Variants in AGBL4 observed in about 807,000 individuals in gnomAD.
AGBL4 encodes AGBL carboxypeptidase 4.
In AGBL4, 58 loss-of-function variants were observed where a neutral mutation model predicts 66.4. The observed-to-expected ratio is 0.87, with a 90% CI of 0.71 to 1.09. The LOEUF is 1.09. Among genes scored for constraint, AGBL4 ranks in the 50% least tolerant of loss-of-function variants. The pLI, the probability that AGBL4 is intolerant of heterozygous loss-of-function variation, is 0.00. For synonymous variants in AGBL4, 234 were observed against 222.9 expected, an observed-to-expected ratio of 1.05 and a Z score of -0.44; for missense variants, 579 against 631.0, an observed-to-expected ratio of 0.92 and a Z score of 0.88.
chr1:48,734,652 C>T (rs1485894278), intron 6 of AGBL4, among the ~76,000 whole-genome samples: 1 of 152,198 alleles, frequency 6.6e-6, no homozygotes, highest in Non-Finnish European at 1.5e-5. Flanking sequence ...GCTTATTCTG[C>T]CTGATTTGCC....
At chr1:48,600,613 T>C (rs1376189132) in intron 9 of AGBL4, among the ~76,000 whole-genome samples, 1 of 152,168 alleles carries the variant, frequency 6.6e-6, no homozygotes, top group Non-Finnish European at 1.5e-5. Flanking sequence ...TAACATCATA[T>C]AAGGAAACCA....
chr1:49,451,123 A>T (rs536663019), intron 3 of AGBL4, among the ~76,000 whole-genome samples: 1 of 151,994 alleles, frequency 6.6e-6, no homozygotes, highest in Non-Finnish European at 1.5e-5. Context: ...ACATTTCCTT[A>T]CTGTTTGCCA....
chr1:49,123,301 C>T (rs949632084), intron 4 of AGBL4, among the ~76,000 whole-genome samples: 2 of 152,136 alleles, frequency 1.3e-5, no homozygotes, highest in South Asian at 2.1e-4. Context: ...AAGGGTTATA[C>T]AGACCACAGG....
chr1:48,977,182 A>G (rs1275539576), intron 5 of AGBL4, among the ~76,000 whole-genome samples: 3 of 152,186 alleles, frequency 2.0e-5, no homozygotes, highest in African/African-American at 7.2e-5. Context: ...CCAGAACTCT[A>G]GATTTTAATT....
intron 3 of AGBL4, among the ~76,000 whole-genome samples, chr1:49,470,809 G>C (rs1402892122): frequency 2.6e-5 from 4 of 152,056 alleles, no homozygotes; most frequent in African/African-American, 9.7e-5. Context: ...CCTTTGAGCT[G>C]CTACTCTAGG....
At chr1:48,819,889 C>G (rs1474084106) in intron 6 of AGBL4, among the ~76,000 whole-genome samples, 1 of 152,178 alleles carries the variant, frequency 6.6e-6, no homozygotes, top group Admixed American at 6.5e-5. Flanking sequence ...AGTAACCCCA[C>G]TCTTGATTCA....
chr1:48,905,977 G>A (rs564243874), intron 5 of AGBL4, among the ~76,000 whole-genome samples: 53 of 152,238 alleles, frequency 3.5e-4, no homozygotes, highest in African/African-American at 1.2e-3. Flanking sequence ...TCCCCCCATG[G>A]AGCTTACTTT....
rs202234809 is a variant in AGBL4, at chr1:48,713,431, G to C, written c.635-50190C>G. Among the ~76,000 whole-genome samples, 6 of 152,300 alleles carry C rather than the reference G, an allele frequency of 3.9e-5. No individual in the cohort carries two copies. In the East Asian group the frequency reaches 1.2e-3, roughly 29 times the overall value. On this transcript the variant is annotated intron_variant, in intron 6 of 13. Transcript: ENST00000371839. ...GAGGTTGCGGAGTTCATTAGTGGTGGAAAAGGTTGGGGTGGGGGTGCTGCG... is the reference window on the plus strand; with the variant it reads ...GAGGTTGCGGAGTTCATTAGTGGTGCAAAAGGTTGGGGTGGGGGTGCTGCG...
intron 4 of AGBL4, among the ~76,000 whole-genome samples, chr1:49,065,515 G>A (rs972807846): frequency 6.6e-6 from 1 of 152,236 alleles, no homozygotes; most frequent in Non-Finnish European, 1.5e-5. Flanking sequence ...AATAATTGGT[G>A]AGAAGTCTAA....
At chr1:49,081,800 C>T (rs1253451919) in intron 4 of AGBL4, among the ~76,000 whole-genome samples, 3 of 152,202 alleles carry the variant, frequency 2.0e-5, no homozygotes, top group Non-Finnish European at 4.4e-5. Context: ...AGAAACCATT[C>T]CCAATTCTGT....
chr1:48,583,211 G>T (rs1372375493), intron 11 of AGBL4, among the ~76,000 whole-genome samples: 2 of 152,200 alleles, frequency 1.3e-5, no homozygotes, highest in Non-Finnish European at 2.9e-5. Flanking sequence ...AACAACAGCT[G>T]CTGATTTCTT....
intron 1 of AGBL4, among the ~76,000 whole-genome samples, chr1:49,851,898 T>C (rs532852612): frequency 1.3e-5 from 2 of 152,300 alleles, no homozygotes; most frequent in East Asian, 1.9e-4. Context: ...CCATTTAATA[T>C]ATAAATAATT....
chr1:49,038,783 C>T lies in AGBL4; in HGVS notation c.594+6801G>A, dbSNP rs1465556652. ...AAAATGGTACAGCCACTTTGGAAGA[C>T]AGTTTGGTGATTTCTTACAAAACTA... On this transcript the variant is annotated intron_variant, in intron 5 of 13. Coordinates refer to ENST00000371839, the MANE Select transcript of AGBL4 (RefSeq NM_032785.4). 2.6e-5 allele frequency among the ~76,000 whole-genome samples: 4 copies of T among 152,096 alleles called. No homozygotes were observed. The South Asian group carries it at 6.2e-4, about 24-fold the overall frequency.
At chr1:49,828,852 C>T (rs2148008804) in intron 2 of AGBL4, among the ~76,000 whole-genome samples, 1 of 151,996 alleles carries the variant, frequency 6.6e-6, no homozygotes, top group East Asian at 1.9e-4. Context: ...GGGCGGATCA[C>T]GAGGTCAGGA....
intron 3 of AGBL4, among the ~76,000 whole-genome samples, chr1:49,624,571 G>A (rs898544182): frequency 2.0e-5 from 3 of 152,132 alleles, no homozygotes; most frequent in Non-Finnish European, 2.9e-5. Context: ...ATCTTTAAAC[G>A]CAGCTGACTC....
chr1:48,754,021 A>G (rs943507930), intron 6 of AGBL4, among the ~76,000 whole-genome samples: 1 of 152,172 alleles, frequency 6.6e-6, no homozygotes. Context: ...GAAGGCAAGG[A>G]TTATGTCTGC....
chr1:49,351,385 G>A (rs1265140961), intron 3 of AGBL4, among the ~76,000 whole-genome samples: 1 of 151,658 alleles, frequency 6.6e-6, no homozygotes, highest in Non-Finnish European at 1.5e-5. Flanking sequence ...GAAATTCTAG[G>A]TTTTCCACTC....
rs187651046 is a variant in AGBL4 at position 49,122,355 on chromosome 1, A to T, written c.378-76555T>A. On this transcript the variant is annotated intron_variant, in intron 4 of 13. Coordinates refer to ENST00000371839, the MANE Select transcript of AGBL4 (RefSeq NM_032785.4). ...TTGTCCATCTTGGAACAGACCCCAC[A>T]TTTTTTTTTCTTAGTAATACATAAA... is the stretch of plus-strand genomic sequence containing the variant. 5.2e-3 allele frequency among the ~76,000 whole-genome samples: 785 copies of T among 151,486 alleles called. 5 individuals are homozygous for T. Among genetic ancestry groups the T allele is most frequent in the Middle Eastern group, 0.027 (8 of 292 alleles).
At chr1:49,522,345 T>C (rs1030850286) in intron 3 of AGBL4, among the ~76,000 whole-genome samples, 7 of 152,100 alleles carry the variant, frequency 4.6e-5, no homozygotes, top group Admixed American at 1.3e-4. Flanking sequence ...ATCTAGCCTG[T>C]TTCAAACCTT....
Sources: gnomAD v4.1 joint callset for allele counts (sites outside exome capture counted in the v4.1 genomes callset) on GRCh38, gnomAD v4.1.1 for gene constraint, MANE v1.5 for transcripts, NCBI Gene and HGNC (gene_info 2026-07-23, HGNC 2026-07-21) for gene names.